Variants in PDE4D observed in about 807,000 individuals in gnomAD.
PDE4D encodes phosphodiesterase 4D.
PDE4D carries 24 observed loss-of-function variants against 87.4 expected under a neutral mutation model. The ratio of observed to expected loss-of-function variants is 0.27; its 90% CI spans 0.20 to 0.39. The LOEUF is 0.39. Ranked by LOEUF, PDE4D falls within the 10% of genes least tolerant of loss-of-function variation. The pLI is 1.00. For missense variants in PDE4D, 714 were observed against 1,041.0 expected (o/e 0.69, Z 4.32); for synonymous variants, 384 against 383.2 (o/e 1.00, Z -0.02).
intron 1 of PDE4D, among the ~76,000 whole-genome samples, chr5:59,462,745 A>G (rs980386636): frequency 2.0e-5 from 3 of 152,164 alleles, no homozygotes; most frequent in South Asian, 2.1e-4. Context: ...TAAACCCTTC[A>G]ATGATGTAAT....
At chr5:59,162,846 C>A (rs1237678775) in intron 5 of PDE4D, among the ~76,000 whole-genome samples, 2 of 52,386 alleles carry the variant, frequency 3.8e-5, no homozygotes, top group African/African-American at 1.4e-4. Flanking sequence ...AAAGTGAGAC[C>A]CTGCATCAAA....
chr5:60,110,740 T>G (rs1777589539), intron 2 of PDE4D, among the ~76,000 whole-genome samples: 1 of 152,064 alleles, frequency 6.6e-6, no homozygotes, highest in South Asian at 2.1e-4. Context: ...AGCTAAGATA[T>G]GGAATCAACC....
chr5:60,413,799 C>A (rs1278109978), intron 1 of PDE4D, among the ~76,000 whole-genome samples: 2 of 151,340 alleles, frequency 1.3e-5, no homozygotes, highest in Non-Finnish European at 2.9e-5. Context: ...TTCAGCCCTG[C>A]ATCAGATCCC....
intron 1 of PDE4D, among the ~76,000 whole-genome samples, chr5:60,404,124 G>C (rs1741319161): frequency 7.0e-6 from 1 of 143,758 alleles, no homozygotes; most frequent in African/African-American, 2.5e-5. Flanking sequence ...GCCTAACCAA[G>C]TTATTTTGTG....
intron 2 of PDE4D, among the ~76,000 whole-genome samples, chr5:60,155,115 A>G (rs532846428): frequency 3.9e-5 from 6 of 152,298 alleles, no homozygotes; most frequent in African/African-American, 1.4e-4. Context: ...TACATCTAGG[A>G]CTAGAATTAC....
intron 5 of PDE4D, among the ~76,000 whole-genome samples, chr5:59,117,095 C>T (rs1773734095): frequency 6.6e-6 from 1 of 152,164 alleles, no homozygotes; most frequent in South Asian, 2.1e-4. Context: ...CGTTTAGCCA[C>T]TAATTTCTTT....
intron 2 of PDE4D, among the ~76,000 whole-genome samples, chr5:60,141,520 C>T (rs1256923298): frequency 1.3e-5 from 2 of 152,112 alleles, no homozygotes; most frequent in African/African-American, 4.8e-5. Context: ...TAGGTTGCAG[C>T]CACAGCAAGC....
chr5:59,001,405 T>A (rs984944668), intron 6 of PDE4D, among the ~76,000 whole-genome samples: 6 of 152,276 alleles, frequency 3.9e-5, no homozygotes, highest in African/African-American at 1.4e-4. Context: ...TAACACTGTG[T>A]CTCTCTGAGT....
chr5:59,269,811 C>T (rs915283148), intron 1 of PDE4D, among the ~76,000 whole-genome samples: 1 of 151,836 alleles, frequency 6.6e-6, no homozygotes, highest in Non-Finnish European at 1.5e-5. Flanking sequence ...GATTTTATAT[C>T]TAAAAATTAC....
rs187979195 is a variant in PDE4D at position 59,118,776 on chromosome 5, C to T, written c.808+61819G>A. 7.6e-4 allele frequency among the ~76,000 whole-genome samples: 115 copies of T among 152,302 alleles called. 1 individual carries two copies. Among genetic ancestry groups the T allele is most frequent in the Non-Finnish European group, 9.3e-4 (63 of 68,030 alleles). ...GCCCTGCTTCCACACCAATGGCAGA[C>T]GCACCACAATTCAAGTGAAACCTGG... On this transcript the variant is annotated intron_variant, in intron 5 of 14. Transcript: ENST00000340635.
chr5:59,921,158 T>C (rs1391177582), intron 3 of PDE4D, among the ~76,000 whole-genome samples: 1 of 152,218 alleles, frequency 6.6e-6, no homozygotes, highest in African/African-American at 2.4e-5. Flanking sequence ...AGCTCTATGA[T>C]GTCAATATTT....
chr5:59,658,934 T>C (rs960190030), intron 1 of PDE4D, among the ~76,000 whole-genome samples: 1 of 152,088 alleles, frequency 6.6e-6, no homozygotes, highest in African/African-American at 2.4e-5. Context: ...TCCCAGGGGT[T>C]TGAGGGTACG....
At chr5:59,917,656 T>A (rs1754211649) in intron 3 of PDE4D, among the ~76,000 whole-genome samples, 1 of 152,212 alleles carries the variant, frequency 6.6e-6, no homozygotes, top group South Asian at 2.1e-4. Flanking sequence ...AAATAATATG[T>A]GACTTGGTTG....
intron 1 of PDE4D, among the ~76,000 whole-genome samples, chr5:59,613,101 C>T (rs755982502): frequency 2.6e-5 from 4 of 152,110 alleles, no homozygotes; most frequent in Non-Finnish European, 4.4e-5. Context: ...GGTGCAGCAA[C>T]ACAGGTGGGA....
chr5:60,336,888 G>A (rs1757797292), intron 1 of PDE4D, among the ~76,000 whole-genome samples: 1 of 152,080 alleles, frequency 6.6e-6, no homozygotes, highest in South Asian at 2.1e-4. Context: ...ATAATTTTTA[G>A]TATAAATACA....
intron 1 of PDE4D, among the ~76,000 whole-genome samples, chr5:59,761,427 CTT>C: frequency 6.6e-6 from 1 of 152,182 alleles, no homozygotes; most frequent in South Asian, 2.1e-4. Context: ...TTATACAACT[CTT>C]AATTTTCTTT....
chr5:59,755,179 T>C (rs932341795), intron 1 of PDE4D, among the ~76,000 whole-genome samples: 1 of 152,182 alleles, frequency 6.6e-6, no homozygotes, highest in African/African-American at 2.4e-5. Context: ...AAAGACTTAA[T>C]TGTGGTCTTT....
chr5:60,416,480 C>A (rs988335763), intron 1 of PDE4D, among the ~76,000 whole-genome samples: 1 of 152,122 alleles, frequency 6.6e-6, no homozygotes, highest in Non-Finnish European at 1.5e-5. Context: ...ACCACAAACC[C>A]ACTGGGAGGA....
At chr5:60,492,798 G>A (rs913463094), upstream of PDE4D, among the ~76,000 whole-genome samples, 21 of 151,634 alleles carry the variant, frequency 1.4e-4, no homozygotes, top group Admixed American at 6.6e-4. Context: ...TATAAATGAC[G>A]AGTTGATGGG....
Sources: gnomAD v4.1 joint callset for allele counts (sites outside exome capture counted in the v4.1 genomes callset) on GRCh38, gnomAD v4.1.1 for gene constraint, MANE v1.5 for transcripts, NCBI Gene and HGNC (gene_info 2026-07-23, HGNC 2026-07-21) for gene names.